The following PCDH15 variants were observed in gnomAD, a reference collection of about 807,000 sequenced individuals.
PCDH15 encodes protocadherin-15.
In PCDH15, 129 loss-of-function variants were observed where a neutral mutation model predicts 178.5. The observed-to-expected ratio is 0.72, with a 90% CI of 0.63 to 0.84. The LOEUF (loss-of-function observed/expected upper bound fraction) is 0.84, where lower values mean the gene tolerates loss of function less well. PCDH15 is among the 40% of genes least tolerant of loss of function. The probability of loss-of-function intolerance (pLI) is 0.00; values close to 1 mark genes in which losing one functional copy is unlikely to be tolerated. For missense variants in PCDH15, 2,230 were observed against 2,099.9 expected, an observed-to-expected ratio of 1.06 and a Z score of -1.21; for synonymous variants, 800 against 732.0, an observed-to-expected ratio of 1.09 and a Z score of -1.50.
chr10:55,095,526 T>C lies in PCDH15; in HGVS notation c.-80+71050A>G, dbSNP rs1842428116. Among the ~76,000 whole-genome samples, 5 of 152,218 alleles carry C rather than the reference T, an allele frequency of 3.3e-5. No individual in the cohort carries two copies. The South Asian group carries it at 1.0e-3, about 32-fold the overall frequency. ...CTAAAATCTTCCACGCTCTTGTCCT[T>C]CTTTTCTTTCTACCTCAAAATAAAC... On this transcript the variant is annotated intron_variant, in intron 2 of 5. Transcript: ENST00000458638.
chr10:55,443,690 T>G (rs1199776975), intron 2 of PCDH15, among the ~76,000 whole-genome samples: 1 of 152,050 alleles, frequency 6.6e-6, no homozygotes, highest in East Asian at 1.9e-4. Context: ...TTGGTGGGAG[T>G]GTAAATAAGT....
chr10:54,379,875 A>G (rs372844846), intron 3 of PCDH15, among the ~76,000 whole-genome samples: 1 of 152,256 alleles, frequency 6.6e-6, no homozygotes. Flanking sequence ...ACACTAGAAT[A>G]AATGGCAACT....
intron 8 of PCDH15, among the ~76,000 whole-genome samples, chr10:54,253,312 T>C (rs528993362): frequency 6.6e-6 from 1 of 152,232 alleles, no homozygotes; most frequent in South Asian, 2.1e-4. Flanking sequence ...TTTTTGGGTA[T>C]ATTCTATATG....
intron 25 of PCDH15, among the ~76,000 whole-genome samples, chr10:53,905,987 T>C (rs916209717): frequency 4.6e-5 from 7 of 152,246 alleles, no homozygotes; most frequent in African/African-American, 1.7e-4. Flanking sequence ...AAAGAACTTA[T>C]ACATTTATTT....
chr10:55,113,900 C>T (rs930092424), intron 2 of PCDH15, among the ~76,000 whole-genome samples: 1 of 152,062 alleles, frequency 6.6e-6, no homozygotes, highest in Admixed American at 6.6e-5. Context: ...CTTTTTAACT[C>T]CCTCATTCAG....
At chr10:54,947,112 T>C (rs143657788) in intron 2 of PCDH15, among the ~76,000 whole-genome samples, 48 of 152,022 alleles carry the variant, frequency 3.2e-4, no homozygotes, top group Non-Finnish European at 5.6e-4. Context: ...TGAACAGCTA[T>C]TATGTATAAG....
intron 26 of PCDH15, among the ~76,000 whole-genome samples, chr10:53,871,451 CGTGTGTGTGTGTGT>C (rs71461208): frequency 3.4e-5 from 5 of 146,804 alleles, no homozygotes; most frequent in African/African-American, 1.0e-4. Flanking sequence ...TATATTCATA[CGTGTGTGTGTGTGT>C]GTGTGTGTGT....
intron 3 of PCDH15, among the ~76,000 whole-genome samples, chr10:54,812,258 C>T (rs1362959922): frequency 6.7e-6 from 1 of 149,586 alleles, no homozygotes; most frequent in Admixed American, 6.7e-5. Context: ...TTGCCACCTT[C>T]TTCTCTTCCT....
chr10:54,075,158 A>AT, intron 17 of PCDH15, among the ~76,000 whole-genome samples: 5 of 151,978 alleles, frequency 3.3e-5, no homozygotes, highest in Non-Finnish European at 5.9e-5. Flanking sequence ...CAGGCAGATC[A>AT]CGAGGTCAGG....
intron 2 of PCDH15, among the ~76,000 whole-genome samples, chr10:54,533,294 T>A (rs932247382): frequency 2.2e-4 from 33 of 152,192 alleles, no homozygotes; most frequent in Non-Finnish European, 1.0e-4. Context: ...AACTGAAGAC[T>A]TACTGTAATG....
At chr10:55,094,472 C>T (rs1247796881) in intron 2 of PCDH15, among the ~76,000 whole-genome samples, 1 of 151,850 alleles carries the variant, frequency 6.6e-6, no homozygotes, top group East Asian at 1.9e-4. Context: ...AGCACACCAA[C>T]ATGGCACATG....
chr10:54,957,448 GTTT>G (rs906019961), intron 2 of PCDH15, among the ~76,000 whole-genome samples: 2 of 151,534 alleles, frequency 1.3e-5, no homozygotes, highest in African/African-American at 4.8e-5. Flanking sequence ...AGGATAAAAG[GTTT>G]TTTTCCTCCA....
At chr10:54,941,521 T>C in intron 2 of PCDH15, among the ~76,000 whole-genome samples, 1 of 152,098 alleles carries the variant, frequency 6.6e-6, no homozygotes, top group East Asian at 1.9e-4. Context: ...TAAATATTTC[T>C]TTTAGTTCTT....
chr10:55,348,880 GAGAGAA>G (rs1427686957), intron 2 of PCDH15, among the ~76,000 whole-genome samples: 2 of 152,076 alleles, frequency 1.3e-5, no homozygotes, highest in Non-Finnish European at 2.9e-5. Flanking sequence ...AATGAAATAA[GAGAGAA>G]AGCCATTGGA....
At chr10:55,560,669 T>C (rs1399764699) in intron 2 of PCDH15, among the ~76,000 whole-genome samples, 1 of 151,960 alleles carries the variant, frequency 6.6e-6, no homozygotes, top group Non-Finnish European at 1.5e-5. Context: ...AATGTCACCA[T>C]GTAATATCAA....
At chr10:55,445,069 C>CA (rs1351359453) in intron 2 of PCDH15, among the ~76,000 whole-genome samples, 2 of 151,690 alleles carry the variant, frequency 1.3e-5, no homozygotes, top group Non-Finnish European at 2.9e-5. Context: ...ATGAAACTCC[C>CA]AAAAAAAGAA....
In PCDH15 at chr10:55,176,065, C is replaced by T. The variant is rs142632003; in HGVS notation, c.-155-9414G>A. On this transcript the variant is annotated intron_variant, in intron 1 of 5. Transcript: ENST00000458638. ...GTCCAAGGGCTCCTCTCTCCAGCTC[C>T]GACGACTCAGACCACCATTACCATC... is the stretch of plus-strand genomic sequence containing the variant. 3.8e-3 allele frequency among the ~76,000 whole-genome samples: 575 copies of T among 152,074 alleles called. 4 individuals are homozygous for T. The highest frequency in any genetic ancestry group is 6.9e-3 in the Non-Finnish European group (468 of 67,976).
At chr10:54,540,778 A>G (rs1223000594) in intron 2 of PCDH15, among the ~76,000 whole-genome samples, 1 of 152,168 alleles carries the variant, frequency 6.6e-6, no homozygotes, top group Non-Finnish European at 1.5e-5. Flanking sequence ...TTTCAAACCA[A>G]ATAAAGCTGC....
chr10:54,817,445 C>T (rs960038473), intron 3 of PCDH15, among the ~76,000 whole-genome samples: 2 of 151,966 alleles, frequency 1.3e-5, no homozygotes, highest in Admixed American at 6.6e-5. Flanking sequence ...CACATTCTTA[C>T]TCATCTCTAT....
Sources: allele counts gnomAD v4.1 joint callset (sites outside exome capture counted in the v4.1 genomes callset), GRCh38; gene constraint gnomAD v4.1.1; transcripts MANE v1.5; gene names NCBI Gene and HGNC (gene_info 2026-07-23, HGNC 2026-07-21).